The following XKR4 variants were observed in gnomAD, a reference collection of about 807,000 sequenced individuals.
XKR4 encodes XK-related protein 4.
In XKR4, 12 loss-of-function variants were observed where a neutral mutation model predicts 53.9. The observed-to-expected ratio is 0.22, with a 90% CI of 0.14 to 0.36. The LOEUF is 0.36. XKR4 is among the 10% of genes least tolerant of loss of function. The pLI, the probability that XKR4 is intolerant of heterozygous loss-of-function variation, is 1.00. For synonymous variants in XKR4, 354 were observed against 362.4 expected, an observed-to-expected ratio of 0.98 and a Z score of 0.26; for missense variants, 799 against 859.5, an observed-to-expected ratio of 0.93 and a Z score of 0.88.
chr8:55,470,191 T>G (rs956048995), intron 2 of XKR4, among the ~76,000 whole-genome samples: 1 of 152,102 alleles, frequency 6.6e-6, no homozygotes, highest in Non-Finnish European at 1.5e-5. Flanking sequence ...CACAGAAGCA[T>G]GCGTCAGATA....
At position 55,530,197 on chromosome 8, in the gene XKR4, AAG is replaced by A. The variant is rs1806931699; in HGVS notation, c.*5971_*5972del. 9.0e-6 allele frequency: 1 copy of A among 111,054 alleles called. No homozygotes were observed. Among genetic ancestry groups the A allele is most frequent in the Non-Finnish European group, 2.0e-5 (1 of 51,114 alleles). 6.9% of individuals were successfully genotyped at this position (111,054 alleles called of 1,614,324 possible). On this transcript the variant is annotated 3_prime_UTR_variant, in exon 3 of 3. Transcript: ENST00000327381. ...GAAGGAAGGAAGGAAGGAAGGAAGG[AAG>A]GAAGGAAGGAGATTTAACAAGTCTT...
intron 1 of XKR4, among the ~76,000 whole-genome samples, chr8:55,242,177 T>C (rs1022726207): frequency 6.6e-6 from 1 of 152,222 alleles, no homozygotes; most frequent in East Asian, 1.9e-4. Context: ...GAATCTTTTT[T>C]AGTCCCCCAT....
At chr8:55,353,985 G>A (rs1803763225) in intron 1 of XKR4, among the ~76,000 whole-genome samples, 1 of 152,136 alleles carries the variant, frequency 6.6e-6, no homozygotes. Context: ...TGGTGACAAT[G>A]GCAACATCAT....
intron 1 of XKR4, among the ~76,000 whole-genome samples, chr8:55,256,463 A>AGT (rs1301775157): frequency 6.6e-6 from 1 of 152,258 alleles, no homozygotes; most frequent in Non-Finnish European, 1.5e-5. Flanking sequence ...AAGGCATTGA[A>AGT]GTTGGGATGG....
chr8:55,427,862 A>C (rs1477284104), intron 2 of XKR4, among the ~76,000 whole-genome samples: 1 of 152,208 alleles, frequency 6.6e-6, no homozygotes, highest in East Asian at 1.9e-4. Context: ...AAAGAGGCAG[A>C]CACCACTCTC....
At chr8:55,300,641 G>C (rs935318770) in intron 1 of XKR4, among the ~76,000 whole-genome samples, 21 of 152,138 alleles carry the variant, frequency 1.4e-4, no homozygotes, top group African/African-American at 4.8e-4. Context: ...GCTTACACAA[G>C]GGGGAGGAGC....
intron 1 of XKR4, among the ~76,000 whole-genome samples, chr8:55,251,660 A>C (rs1461571780): frequency 2.0e-5 from 3 of 152,214 alleles, no homozygotes. Context: ...CCATGAAGGA[A>C]GTTCATTTCC....
intron 2 of XKR4, among the ~76,000 whole-genome samples, chr8:55,509,833 G>A (rs1016497406): frequency 1.3e-5 from 2 of 152,166 alleles, no homozygotes; most frequent in East Asian, 1.9e-4. Flanking sequence ...GGCAAGAAAG[G>A]CATCTCTCAC....
At chr8:55,255,380 G>C (rs1242899484) in intron 1 of XKR4, among the ~76,000 whole-genome samples, 1 of 152,184 alleles carries the variant, frequency 6.6e-6, no homozygotes, top group African/African-American at 2.4e-5. Flanking sequence ...GGTACTTACT[G>C]TCTGCTAGCT....
At chr8:55,118,165 C>T (rs915749447) in intron 1 of XKR4, among the ~76,000 whole-genome samples, 4 of 152,128 alleles carry the variant, frequency 2.6e-5, no homozygotes, top group South Asian at 2.1e-4. Context: ...ATTTCAAACA[C>T]GGAGACTATA....
chr8:55,354,470 G>T (rs993370426), intron 1 of XKR4, among the ~76,000 whole-genome samples: 1 of 152,152 alleles, frequency 6.6e-6, no homozygotes, highest in Non-Finnish European at 1.5e-5. Context: ...CAAATAAAAG[G>T]GGGGAGGAGC....
intron 2 of XKR4, among the ~76,000 whole-genome samples, chr8:55,462,158 A>C (rs1458618559): frequency 6.6e-6 from 1 of 152,230 alleles, no homozygotes; most frequent in Non-Finnish European, 1.5e-5. Context: ...GAGCAACTCC[A>C]AGACACATAA....
intron 1 of XKR4, among the ~76,000 whole-genome samples, chr8:55,169,587 C>T (rs1387987443): frequency 1.3e-5 from 2 of 152,212 alleles, no homozygotes; most frequent in African/African-American, 4.8e-5. Context: ...TCCACAAAAC[C>T]ATCATGACAG....
In XKR4 at chr8:55,113,538, G is replaced by C. The variant is rs143700778; in HGVS notation, c.806+10244G>C. ...GCAAAGAAAGAAAAACTTGAGTTGT[G>C]ATAATGGTCAGGTTTATGAGGTCAA... On this transcript the variant is annotated intron_variant, in intron 1 of 2. Coordinates refer to ENST00000327381, the MANE Select transcript of XKR4 (RefSeq NM_052898.2). Among the ~76,000 whole-genome samples the C allele has an allele frequency of 8.1e-3, 1,241 of 152,286 alleles. 18 individuals carry two copies. Among genetic ancestry groups the C allele is most frequent in the African/African-American group, 0.028 (1,173 of 41,570 alleles).
Position 55,357,755 on chromosome 8 carries a change from T to C in XKR4, c.884T>C (p.Met295Thr). ...GACAGATGGAGGTTTTACTGGAAAA[T>C]GGTATATGAGTATGCGGATGTGAGT... ...ENDRWRFYWK[M>T]VYEYADVSML... The change falls in exon 2 of 3, where the codon ATG becomes ACG. Residue 295 changes from methionine to threonine, a missense_variant. By Grantham distance (81) the Met-to-Thr change is moderately conservative. Transcript: ENST00000327381. 1 of 1,614,112 alleles carries C rather than the reference T, an allele frequency of 6.2e-7. No individual in the cohort carries two copies. The highest frequency in any genetic ancestry group is 2.2e-5 in the East Asian group (1 of 44,878).
rs1298606416 is a variant in XKR4 at position 55,533,207 on chromosome 8, T to G, written c.*8980T>G. On this transcript the variant is annotated 3_prime_UTR_variant, in exon 3 of 3. Transcript: ENST00000327381. ...TTGTGAGTCTAGAAAATGAGCACTT[T>G]GTGTGTTGAGCGCTGTTGCATTCAC... The G allele has an allele frequency of 6.6e-6, 1 of 152,176 alleles. No homozygotes were observed. Among genetic ancestry groups the G allele is most frequent in the Non-Finnish European group, 1.5e-5 (1 of 68,036 alleles). 9.4% of individuals were successfully genotyped at this position (152,176 alleles called of 1,614,324 possible).
chr8:55,532,594 G>A lies in XKR4; in HGVS notation c.*8367G>A, dbSNP rs1227199868. On this transcript the variant is annotated 3_prime_UTR_variant, in exon 3 of 3. Coordinates refer to ENST00000327381, the MANE Select transcript of XKR4 (RefSeq NM_052898.2). ...GCGGATCACAAGGTCAGGAGATCGAGACCATCCTGGCTAACACAGTGAAAC... is the reference window on the plus strand; with the variant it reads ...GCGGATCACAAGGTCAGGAGATCGAAACCATCCTGGCTAACACAGTGAAAC... 3 of 152,022 alleles carry A rather than the reference G, an allele frequency of 2.0e-5. No individual in the cohort carries two copies. Among genetic ancestry groups the A allele is most frequent in the African/African-American group, 7.2e-5 (3 of 41,400 alleles). 9.4% of individuals were successfully genotyped at this position (152,022 alleles called of 1,614,324 possible). A position where few individuals can be genotyped will look rare whatever the true frequency, so the allele number is the denominator to read the frequency against.
At position 55,385,006 on chromosome 8, in the gene XKR4, T is replaced by C. The variant is rs1054505536; in HGVS notation, c.1006+27129T>C. On this transcript the variant is annotated intron_variant, in intron 2 of 2. Transcript: ENST00000327381. ...TTGAATGGCCTTAATACAACAATAG[T>C]GTAGCCTCTTTTTTTCAAAGTAGGT... Among the ~76,000 whole-genome samples, 4 of 152,278 alleles carry C rather than the reference T, an allele frequency of 2.6e-5. No homozygotes were observed. The South Asian group carries it at 8.3e-4, about 32-fold the overall frequency.
rs141334592 is a variant in XKR4, at chr8:55,293,903, A to G, written c.807-63775A>G. Among the ~76,000 whole-genome samples the G allele has an allele frequency of 2.1e-3, 316 of 152,356 alleles. 1 individual carries two copies. The highest frequency in any genetic ancestry group is 7.2e-3 in the African/African-American group (301 of 41,598). ...ATAACCATCCAGTCTTGATTTATTTATATCTGCATTTAAGCTGTTTATTCC... is the reference window on the plus strand; with the variant it reads ...ATAACCATCCAGTCTTGATTTATTTGTATCTGCATTTAAGCTGTTTATTCC... On this transcript the variant is annotated intron_variant, in intron 1 of 2. Coordinates refer to ENST00000327381, the MANE Select transcript of XKR4 (RefSeq NM_052898.2).
Sources: gnomAD v4.1 joint callset for allele counts (sites outside exome capture counted in the v4.1 genomes callset) on GRCh38, gnomAD v4.1.1 for gene constraint, MANE v1.5 for transcripts, NCBI Gene and HGNC (gene_info 2026-07-23, HGNC 2026-07-21) for gene names.